The following DOCK11 variants were observed in gnomAD, a reference collection of about 807,000 sequenced individuals.
The protein encoded by DOCK11 is dedicator of cytokinesis 11.
A neutral mutation model predicts 169.1 loss-of-function variants in DOCK11; 70 were observed. The observed-to-expected ratio is 0.41, with a 90% CI of 0.34 to 0.51. The LOEUF (loss-of-function observed/expected upper bound fraction) is 0.51. Among genes scored for constraint, DOCK11 ranks in the 20% least tolerant of loss-of-function variants. The pLI, the probability that DOCK11 is intolerant of heterozygous loss-of-function variation, is 0.10. For missense variants in DOCK11, 1,166 were observed against 1,538.8 expected (o/e 0.76, Z 4.05); for synonymous variants, 529 against 541.3 (o/e 0.98, Z 0.32).
Position 118,496,051 on chromosome X carries a change from C to T in DOCK11, c.80C>T (p.Ala27Val). The change falls in exon 1 of 53, where the codon GCC (alanine) becomes GTC (valine). Residue 27 changes from alanine to valine, a missense_variant. Transcript: ENST00000276202. Reference sequence around the variant, plus strand: ...GAGCTCCGGCAGAGCGTGTCTGAGGCCGTGCGGGGCTCCGTGGTGCTGGTG... The same window carrying T: ...GAGCTCCGGCAGAGCGTGTCTGAGGTCGTGCGGGGCTCCGTGGTGCTGGTG... ...AAELRQSVSE[A>V]VRGSVVLEKA... 1.9e-6 allele frequency: 2 copies of T among 1,072,109 alleles called. No individual in the cohort carries two copies. The highest frequency in any genetic ancestry group is 2.4e-6 in the Non-Finnish European group (2 of 831,061). The allele number at this position is 1,072,109 out of a possible 1,213,427, so 88.4% of individuals were successfully genotyped here.
chrX:118,568,868 T>C (rs913995072), intron 10 of DOCK11, among the ~76,000 whole-genome samples: 1 of 111,511 alleles, frequency 9.0e-6, no homozygotes, highest in African/African-American at 3.2e-5. Flanking sequence ...AAATACCTTT[T>C]GAAAAAATGA....
intron 1 of DOCK11, among the ~76,000 whole-genome samples, chrX:118,500,052 CTT>C (rs1196735132): frequency 1.3e-4 from 13 of 97,780 alleles, no homozygotes; most frequent in Middle Eastern, 5.1e-3. Flanking sequence ...GCTTTCATTG[CTT>C]TTTTTTTTTT....
chrX:118,643,711 A>T, intron 40 of DOCK11, 117 bp downstream of exon 40: 1 of 820,007 alleles, frequency 1.2e-6, no homozygotes, highest in South Asian at 2.5e-5. Context: ...GCCATTAAGT[A>T]CTGCCTTTGT....
chrX:118,661,773 A>G (rs755061688), intron 44 of DOCK11, among the ~76,000 whole-genome samples: 18 of 112,089 alleles, frequency 1.6e-4, no homozygotes, highest in Non-Finnish European at 2.8e-4. Context: ...TAGAATCTAT[A>G]GGGGAACCAT....
At chrX:118,683,434 C>T (rs2016788534) in intron 52 of DOCK11, among the ~76,000 whole-genome samples, 1 of 111,550 alleles carries the variant, frequency 9.0e-6, no homozygotes, top group Non-Finnish European at 1.9e-5. Context: ...TGTAAGAAAC[C>T]ATTTTGTTTT....
Position 118,561,435 on chromosome X carries a change from T to G in DOCK11, c.611T>G (p.Ile204Ser). The part of the protein sequence containing the change: ...YLTQLPDGSY[I>S]LNSYKDEKNS... ...ACCCAACTTCCTGACGGTTCATATA[T>G]TCTCAATTCCTATAAAGATGAGAAA... The change falls in exon 7 of 53, where the codon ATT becomes AGT. Residue 204 changes from isoleucine (I) to serine (S), a missense_variant. Transcript: ENST00000276202. 3.3e-6 allele frequency: 4 copies of G among 1,206,807 alleles called. No homozygotes were observed. Among genetic ancestry groups the G allele is most frequent in the Non-Finnish European group, 4.5e-6 (4 of 893,119 alleles).
intron 7 of DOCK11, among the ~76,000 whole-genome samples, chrX:118,565,773 T>C: frequency 8.9e-6 from 1 of 111,743 alleles, no homozygotes; most frequent in East Asian, 2.8e-4. Flanking sequence ...CTCCCAACTT[T>C]ATACATATTC....
intron 7 of DOCK11, among the ~76,000 whole-genome samples, chrX:118,564,155 C>T (rs2012999601): frequency 8.9e-6 from 1 of 112,202 alleles, no homozygotes; most frequent in Admixed American, 9.5e-5. Flanking sequence ...AAATTCCTGA[C>T]CTCAAGTGAT....
intron 6 of DOCK11, among the ~76,000 whole-genome samples, chrX:118,559,559 C>T (rs1409761390): frequency 9.0e-6 from 1 of 110,576 alleles, no homozygotes; most frequent in Non-Finnish European, 1.9e-5. Context: ...AATTTTAAGC[C>T]TTCTATTCCC....
intron 7 of DOCK11, among the ~76,000 whole-genome samples, chrX:118,564,525 T>A (rs1232395078): frequency 8.9e-6 from 1 of 112,116 alleles, no homozygotes; most frequent in Non-Finnish European, 1.9e-5. Context: ...TTATTTTCCT[T>A]GTGTGGTGGT....
chrX:118,538,626 A>G, intron 1 of DOCK11: 1 of 692,210 alleles, frequency 1.4e-6, no homozygotes, highest in Non-Finnish European at 1.7e-6. Flanking sequence ...TCCAGATTGC[A>G]TAAATGCCTT....
At chrX:118,602,094 CTTTTTTTT>C (rs536697143) in intron 23 of DOCK11, among the ~76,000 whole-genome samples, 1 of 74,681 alleles carries the variant, frequency 1.3e-5, no homozygotes, top group African/African-American at 4.9e-5. Flanking sequence ...CCGGCCAAGA[CTTTTTTTT>C]TTTTTTTTTT....
chrX:118,508,438 G>A (rs1330830127), intron 1 of DOCK11, among the ~76,000 whole-genome samples: 1 of 111,711 alleles, frequency 9.0e-6, no homozygotes, highest in Admixed American at 9.6e-5. Context: ...GAAGAGTGCT[G>A]TTGGCATGGC....
chrX:118,583,996 C>A (rs1324713336), intron 14 of DOCK11, among the ~76,000 whole-genome samples: 1 of 111,510 alleles, frequency 9.0e-6, no homozygotes, highest in Non-Finnish European at 1.9e-5. Context: ...ATACAGAGAA[C>A]CGACTCTACA....
intron 1 of DOCK11, among the ~76,000 whole-genome samples, chrX:118,513,272 G>A (rs1022669295): frequency 2.7e-5 from 3 of 112,344 alleles, no homozygotes; most frequent in Non-Finnish European, 5.6e-5. Context: ...TTTAGCCAAG[G>A]ATGGAAAATT....
intron 7 of DOCK11, among the ~76,000 whole-genome samples, chrX:118,563,400 C>T (rs139123814): frequency 1.2e-4 from 13 of 110,804 alleles, no homozygotes; most frequent in African/African-American, 2.0e-4. Flanking sequence ...GATATGATCA[C>T]GCCTGTGGAA....
intron 40 of DOCK11, among the ~76,000 whole-genome samples, chrX:118,647,651 T>A (rs1349390993): frequency 5.1e-5 from 3 of 58,572 alleles, no homozygotes; most frequent in Admixed American, 6.1e-4. Context: ...ATTATATGTT[T>A]ATATATTATA....
At chrX:118,672,636 C>T (rs772569748) in intron 46 of DOCK11, among the ~76,000 whole-genome samples, 17 of 112,300 alleles carry the variant, frequency 1.5e-4, no homozygotes, top group African/African-American at 3.6e-4. Flanking sequence ...AGGGTTTCAC[C>T]GTGTTAGCCA....
chrX:118,667,662 A>G (rs970554338), intron 45 of DOCK11, among the ~76,000 whole-genome samples: 1 of 110,954 alleles, frequency 9.0e-6, no homozygotes, highest in Non-Finnish European at 1.9e-5. Context: ...ATTCTTTTTC[A>G]AAGTTGTTTT....
Sources: gnomAD v4.1 joint callset for allele counts (sites outside exome capture counted in the v4.1 genomes callset) on GRCh38, gnomAD v4.1.1 for gene constraint, MANE v1.5 for transcripts, NCBI Gene and HGNC (gene_info 2026-07-23, HGNC 2026-07-21) for gene names.